Variants in PKD1L3 observed in about 807,000 individuals in gnomAD.
PKD1L3 encodes the protein polycystin 1 like 3, transient receptor potential channel interacting, also known as polycystin-1-like protein 3.
PKD1L3 carries 239 observed loss-of-function variants against 184.1 expected under a neutral mutation model. The observed-to-expected ratio is 1.30, with a 90% CI of 1.17 to 1.45. PKD1L3 has a LOEUF of 1.45. Ranked by LOEUF, PKD1L3 falls within the 40% of genes most tolerant of loss-of-function variation. The pLI is 0.00. For synonymous variants in PKD1L3, 996 were observed against 778.8 expected, an observed-to-expected ratio of 1.28 and a Z score of -4.64; for missense variants, 2,660 against 2,067.2, an observed-to-expected ratio of 1.29 and a Z score of -5.56.
chr16:71,967,939 G>C lies in PKD1L3; in HGVS notation c.2253C>G (p.Thr751=), dbSNP rs200249336. 6.4e-6 allele frequency: 10 copies of C among 1,551,456 alleles called. No individual in the cohort carries two copies. The highest frequency in any genetic ancestry group is 8.7e-6 in the Non-Finnish European group (10 of 1,146,804). The stretch of plus-strand genomic sequence containing the variant: ...TTGTAGCAGCGCTTCTTCGATATCC[G>C]GTGTAGACCTGAATAAGGTAGTGAA... ...AQFHYLIQVY[T]GYRRSAATTA... is the part of the protein sequence containing the mutation. The change falls in exon 14 of 30, where the codon ACC becomes ACG. Residue 751 remains threonine, a synonymous_variant. Coordinates refer to ENST00000620267, the MANE Select transcript of PKD1L3 (RefSeq NM_181536.2).
intron 5 of PKD1L3, among the ~76,000 whole-genome samples, 193 bp from the exon 6 acceptor site, chr16:71,984,360 G>A (rs1432464166): frequency 3.9e-5 from 6 of 152,126 alleles, no homozygotes; most frequent in Admixed American, 2.0e-4. Flanking sequence ...TCTTCCATAC[G>A]ATAGAGAAAA....
Position 71,950,261 on chromosome 16 carries a change from C to A in PKD1L3, c.3240G>T (p.Leu1080=). 5.8e-6 allele frequency: 9 copies of A among 1,551,482 alleles called. No individual in the cohort carries two copies. Among genetic ancestry groups the A allele is most frequent in the Non-Finnish European group, 7.8e-6 (9 of 1,146,804 alleles). The stretch of plus-strand genomic sequence containing the variant: ...TGCCTAAGTGAGATTTCAGCCTCTG[C>A]AGAACTCTATGCAGGTAACAGCAGA... ...HHFCCYLHRV[L]QRLKSHLGTL... Residue 1080 remains leucine, a synonymous_variant, in exon 20 of 30, where the codon CTG becomes CTT. Transcript: ENST00000620267.
At chr16:71,988,871 G>A (rs1013947334) in intron 4 of PKD1L3, among the ~76,000 whole-genome samples, 8 of 152,150 alleles carry the variant, frequency 5.3e-5, no homozygotes, top group African/African-American at 1.9e-4. Context: ...AATTATGTGG[G>A]GAGGCTTAAA....
chr16:71,950,138 G>A lies in PKD1L3; in HGVS notation c.3363C>T (p.Pro1121=). ...ATTACCTGGATGGCTCTTGCTCCGT[G>A]GGAAGAATATGTGTTTCCAAGAGTT... The part of the protein sequence containing the change: ...LQELLETHIL[P]TEQEPSREVT... Residue 1121 remains proline (P), a synonymous_variant, in exon 20 of 30, where the codon CCC becomes CCT. Transcript: ENST00000620267. The A allele has an allele frequency of 6.4e-7, 1 of 1,552,050 alleles. No individual in the cohort carries two copies. Among genetic ancestry groups the A allele is most frequent in the Non-Finnish European group, 8.7e-7 (1 of 1,147,040 alleles).
rs764460643 is a variant in PKD1L3 at position 71,968,057 on chromosome 16, G to A, written c.2185-50C>T. The A allele has an allele frequency of 2.1e-6, 3 of 1,431,480 alleles. No homozygotes were observed. The South Asian group carries it at 3.7e-5, about 18-fold the overall frequency. 88.7% of individuals were successfully genotyped at this position (1,431,480 alleles called of 1,614,324 possible). On this transcript the variant is annotated intron_variant, in intron 13 of 29. Transcript: ENST00000620267. Reference sequence around the variant, plus strand: ...ACTTACTAGGCCTCCACTTGGTATAGTTCCTGCCTCCTCCAGCTGAGGAGC... The same window carrying A: ...ACTTACTAGGCCTCCACTTGGTATAATTCCTGCCTCCTCCAGCTGAGGAGC...
intron 4 of PKD1L3, among the ~76,000 whole-genome samples, chr16:71,988,402 C>T (rs1425022718): frequency 6.6e-6 from 1 of 152,162 alleles, no homozygotes; most frequent in Non-Finnish European, 1.5e-5. Flanking sequence ...GCCATGTTGG[C>T]CTGGCTGGCC....
chr16:71,987,545 G>A (rs948207877), intron 4 of PKD1L3, among the ~76,000 whole-genome samples: 2 of 151,874 alleles, frequency 1.3e-5, no homozygotes, highest in Non-Finnish European at 2.9e-5. Flanking sequence ...GCTAATTTTT[G>A]TATTTTTAGT....
In PKD1L3 at chr16:71,934,141, C is replaced by T. The variant is rs2038091938; in HGVS notation, c.4614-16G>A. ...GCTGATGAATCTGCACCAAGGAAAG[C>T]TGACAGTTACTCAGCAAGAAGTATG... On this transcript the variant is annotated splice_polypyrimidine_tract_variant and intron_variant, in intron 26 of 29. Coordinates refer to ENST00000620267, the MANE Select transcript of PKD1L3 (RefSeq NM_181536.2). The T allele has an allele frequency of 6.4e-7, 1 of 1,551,014 alleles. No homozygotes were observed.
chr16:71,998,358 C>T lies in PKD1L3; in HGVS notation c.332G>A (p.Ser111Asn), dbSNP rs758410158. The T allele has an allele frequency of 6.4e-7, 1 of 1,551,776 alleles. No homozygotes were observed. Among genetic ancestry groups the T allele is most frequent in the East Asian group, 2.4e-5 (1 of 40,934 alleles). The change falls in exon 2 of 30, where the codon AGC becomes AAC. Residue 111 changes from serine to asparagine, a missense_variant. Physicochemically the swap from Ser to Asn is conservative, Grantham distance 46. Transcript: ENST00000620267. ...GAAGTTTCTGGACAGGTAGGTGCAG[C>T]TGAGGGGCTTTGGGGGCCCGTTGGC... ...VAANGPPKPLSCTYLSRNFIR... is the reference protein window; with the variant it reads ...VAANGPPKPLNCTYLSRNFIR...
chr16:71,986,272 C>T lies in PKD1L3; in HGVS notation c.783G>A (p.Pro261=), dbSNP rs890991448. The change falls in exon 5 of 30, where the codon CCG becomes CCA. Residue 261 remains proline (P), a synonymous_variant. Coordinates refer to ENST00000620267, the MANE Select transcript of PKD1L3 (RefSeq NM_181536.2). ...TTSSPKEEGH[P]NTFTSYLQVS... ...CTTGTAGATAAGAGGTGAAGGTATT[C>T]GGATGACCTTCTTCCTTTGGGCTTG... The T allele has an allele frequency of 1.1e-5, 17 of 1,552,108 alleles. No individual in the cohort carries two copies. The highest frequency in any genetic ancestry group is 2.4e-5 in the East Asian group (1 of 40,934).
At chr16:71,948,756 A>G (rs1331161117) in intron 21 of PKD1L3, among the ~76,000 whole-genome samples, 1 of 140,704 alleles carries the variant, frequency 7.1e-6, no homozygotes, top group Admixed American at 7.8e-5. Flanking sequence ...TGGCCACTGC[A>G]ATTACAGGTT....
chr16:71,951,696 G>T lies in PKD1L3; in HGVS notation c.3058C>A (p.Leu1020Ile). 6.4e-7 allele frequency: 1 copy of T among 1,551,610 alleles called. No homozygotes were observed. ...CATGGCGGCTGCTCACACTTGGAGAGTAGGTATGTATTTCTCCTGAGCAGG... is the reference window on the plus strand; with the variant it reads ...CATGGCGGCTGCTCACACTTGGAGATTAGGTATGTATTTCTCCTGAGCAGG... ...RFLLRRNTYLLSKCEQPPWSS... is the reference protein window; with the variant it reads ...RFLLRRNTYLISKCEQPPWSS... The change falls in exon 19 of 30, where the codon CTC becomes ATC. Residue 1020 changes from leucine (L) to isoleucine (I), a missense_variant. Transcript: ENST00000620267.
chr16:71,994,500 T>C (rs1338163512), intron 2 of PKD1L3, among the ~76,000 whole-genome samples: 2 of 152,186 alleles, frequency 1.3e-5, no homozygotes, highest in South Asian at 2.1e-4. Flanking sequence ...ATCCCTCTAG[T>C]TGTTTGGTAG....
chr16:71,995,589 C>T (rs2040757124), intron 2 of PKD1L3, among the ~76,000 whole-genome samples: 1 of 152,214 alleles, frequency 6.6e-6, no homozygotes, highest in African/African-American at 2.4e-5. Flanking sequence ...GATAACCCCA[C>T]TGCAGTACAT....
intron 4 of PKD1L3, 89 bp downstream of exon 4, chr16:71,990,191 A>G: frequency 8.8e-7 from 1 of 1,135,760 alleles, no homozygotes; most frequent in Non-Finnish European, 1.2e-6. Context: ...TATTCAGAAC[A>G]CTCTACAAGA....
At chr16:71,931,183 G>C (rs749670217) in intron 28 of PKD1L3, 1 of 152,038 alleles carries the variant, frequency 6.6e-6, no homozygotes, top group East Asian at 1.9e-4. Flanking sequence ...ATCCCCAAAA[G>C]GAGGTGTCAG....
intron 3 of PKD1L3, 135 bp downstream of exon 3, chr16:71,993,081 G>A: frequency 1.7e-6 from 1 of 587,636 alleles, no homozygotes; most frequent in South Asian, 3.2e-5. Context: ...GCCATATTAA[G>A]ATCAGACAGA....
chr16:71,964,442 A>C (rs866341691), intron 15 of PKD1L3, among the ~76,000 whole-genome samples: 12 of 143,432 alleles, frequency 8.4e-5, no homozygotes, highest in Middle Eastern at 8.2e-3. Flanking sequence ...AGGTTCAAGC[A>C]ATTCTCCTGC....
intron 25 of PKD1L3, among the ~76,000 whole-genome samples, chr16:71,936,598 C>T (rs1230200891): frequency 6.7e-6 from 1 of 148,884 alleles, no homozygotes; most frequent in Non-Finnish European, 1.5e-5. Flanking sequence ...CGGCTCACTG[C>T]AACCTCCGCC....
Sources: gnomAD v4.1 joint callset for allele counts (sites outside exome capture counted in the v4.1 genomes callset) on GRCh38, gnomAD v4.1.1 for gene constraint, MANE v1.5 for transcripts, NCBI Gene and HGNC (gene_info 2026-07-23, HGNC 2026-07-21) for gene names.